Variants in SPTBN4 observed in about 807,000 individuals in gnomAD.
SPTBN4 encodes spectrin beta, non-erythrocytic 4, also known as spectrin beta chain, non-erythrocytic 4.
A neutral mutation model predicts 277.8 loss-of-function variants in SPTBN4; 96 were observed. The ratio of observed to expected loss-of-function variants is 0.35; its 90% CI spans 0.29 to 0.41. The LOEUF (loss-of-function observed/expected upper bound fraction) is 0.41. Ranked by LOEUF, SPTBN4 falls within the 10% of genes least tolerant of loss-of-function variation. SPTBN4 has a pLI of 1.00. For synonymous variants in SPTBN4, 1,481 were observed against 1,580.3 expected (o/e 0.94, Z 1.49); for missense variants, 3,006 against 3,595.7 (o/e 0.84, Z 4.19).
intron 2 of SPTBN4, among the ~76,000 whole-genome samples, chr19:40,479,605 T>C (rs1023485258): frequency 1.3e-4 from 20 of 151,240 alleles, no homozygotes; most frequent in Admixed American, 5.3e-4. Context: ...CCCATTCAGA[T>C]AGTTTTTAAT....
chr19:40,542,493 G>C (rs1323571342), intron 20 of SPTBN4, among the ~76,000 whole-genome samples: 2 of 152,116 alleles, frequency 1.3e-5, no homozygotes, highest in East Asian at 3.9e-4. Flanking sequence ...CTCAGCCACA[G>C]GCTCCTGCTT....
At chr19:40,475,397 T>G (rs551070560) in intron 2 of SPTBN4, among the ~76,000 whole-genome samples, 3 of 152,246 alleles carry the variant, frequency 2.0e-5, no homozygotes, top group African/African-American at 7.2e-5. Flanking sequence ...TCTTAGAACT[T>G]TAGTAACTCA....
chr19:40,495,280 G>T (rs759748165), intron 6 of SPTBN4, among the ~76,000 whole-genome samples: 1 of 152,000 alleles, frequency 6.6e-6, no homozygotes, highest in Non-Finnish European at 1.5e-5. Flanking sequence ...CAGCCTGCCC[G>T]CAGGGTAGGA....
chr19:40,472,837 G>A, intron 2 of SPTBN4, 47 bp downstream of exon 2: 4 of 1,263,402 alleles, frequency 3.2e-6, no homozygotes, highest in Non-Finnish European at 3.3e-6. Context: ...GGGGAAGGGG[G>A]AAGGGTGCCC....
intron 26 of SPTBN4, among the ~76,000 whole-genome samples, chr19:40,558,391 A>G (rs1006385186): frequency 5.9e-5 from 9 of 151,430 alleles, no homozygotes; most frequent in African/African-American, 2.2e-4. Flanking sequence ...CAGGTCTCTG[A>G]TGGAAATCAT....
At chr19:40,467,457 C>T (rs1487612069) in intron 1 of SPTBN4, among the ~76,000 whole-genome samples, 152 bp downstream of exon 1, 2 of 152,182 alleles carry the variant, frequency 1.3e-5, no homozygotes, top group East Asian at 1.9e-4. Context: ...CCCACAACCC[C>T]CCCACCCGGT....
rs750427230 is a variant in SPTBN4 at position 40,523,507 on chromosome 19, G to A, written c.3725G>A (p.Arg1242His). ...ESVEEALKQH[R>H]DFLTTMELSQ... is the part of the protein sequence containing the mutation. ...GTGGAGGAGGCCTTGAAACAGCACCGTGACTTTCTCACCACCATGGAGCTG... is the reference window on the plus strand; with the variant it reads ...GTGGAGGAGGCCTTGAAACAGCACCATGACTTTCTCACCACCATGGAGCTG... Residue 1242 changes from arginine (R) to histidine (H), a missense_variant, in exon 17 of 36, where the codon CGT becomes CAT. By Grantham distance (29) the Arg-to-His change is conservative (BLOSUM62 0). This residue lies in a region of SPTBN4 where 1,759 missense variants were observed against 2,061.5 expected (regional missense o/e 0.85). Coordinates refer to ENST00000598249, the MANE Select transcript of SPTBN4 (RefSeq NM_020971.3). 2.5e-6 allele frequency: 4 copies of A among 1,614,062 alleles called. No individual in the cohort carries two copies. The highest frequency in any genetic ancestry group is 3.4e-6 in the Non-Finnish European group (4 of 1,179,984).
At chr19:40,508,846 T>G (rs1016075161) in intron 13 of SPTBN4, among the ~76,000 whole-genome samples, 11 of 151,986 alleles carry the variant, frequency 7.2e-5, no homozygotes, top group African/African-American at 2.4e-4. Flanking sequence ...ATCATTTTGA[T>G]CTAGGTGGTG....
chr19:40,508,913 C>T (rs814527), intron 13 of SPTBN4, among the ~76,000 whole-genome samples: 22,522 of 151,512 alleles, frequency 0.15, 2,327 homozygotes, highest in African/African-American at 0.29. Flanking sequence ...TCTGAGCCGG[C>T]GAGGGGATGC....
chr19:40,563,922 C>CA (rs2145947869), intron 27 of SPTBN4, among the ~76,000 whole-genome samples: 1 of 151,922 alleles, frequency 6.6e-6, no homozygotes, highest in East Asian at 2.0e-4. Flanking sequence ...TGGCGGGCAC[C>CA]TGTAATCCCA....
At position 40,549,804 on chromosome 19, in the gene SPTBN4, C is replaced by A. The variant is rs77413146; in HGVS notation, c.4584+391C>A. Among the ~76,000 whole-genome samples the A allele has an allele frequency of 6.3e-3, 962 of 152,314 alleles. 20 individuals are homozygous for A. The highest frequency in any genetic ancestry group is 0.022 in the African/African-American group (917 of 41,566). On this transcript the variant is annotated intron_variant, in intron 21 of 35. Coordinates refer to ENST00000598249, the MANE Select transcript of SPTBN4 (RefSeq NM_020971.3). ...GATGATAGTGGGGCCACAGGGGTGG[C>A]CAAGGCAGACCCCATTGTGCCCCAG...
At chr19:40,569,483 A>T (rs2081128870) in intron 31 of SPTBN4, among the ~76,000 whole-genome samples, 174 bp from the exon 32 acceptor site, 1 of 151,892 alleles carries the variant, frequency 6.6e-6, no homozygotes, top group South Asian at 2.1e-4. Flanking sequence ...CATTCAGCAG[A>T]CACGTCCCAA....
Position 40,549,212 on chromosome 19 carries a change from G to C in SPTBN4, c.4383G>C (p.Glu1461Asp). ...KLQSMESQVE[E>D]WYREVGELQA... ...AGTCCATGGAGTCGCAGGTGGAGGAGTGGTACCGCGAGGTGGGAGAGCTGC... is the reference window on the plus strand; with the variant it reads ...AGTCCATGGAGTCGCAGGTGGAGGACTGGTACCGCGAGGTGGGAGAGCTGC... The change falls in exon 21 of 36, where the codon GAG becomes GAC. Residue 1461 changes from glutamate to aspartate, a missense_variant. Glu to Asp is a conservative substitution (Grantham distance 45, BLOSUM62 2). Coordinates refer to ENST00000598249, the MANE Select transcript of SPTBN4 (RefSeq NM_020971.3). The C allele has an allele frequency of 6.5e-7, 1 of 1,547,628 alleles. No homozygotes were observed. The highest frequency in any genetic ancestry group is 8.7e-7 in the Non-Finnish European group (1 of 1,146,836).
chr19:40,529,176 C>A (rs2080631209), intron 18 of SPTBN4, 45 bp downstream of exon 18: 3 of 1,365,972 alleles, frequency 2.2e-6, no homozygotes, highest in Admixed American at 1.7e-5. Context: ...CCCCTTTAGT[C>A]GGGAGGGAAG....
intron 20 of SPTBN4, among the ~76,000 whole-genome samples, chr19:40,542,054 T>G (rs1279995438): frequency 6.6e-6 from 1 of 152,182 alleles, no homozygotes; most frequent in Admixed American, 6.5e-5. Context: ...CCCAAGTAGT[T>G]GTGATTACAG....
At position 40,567,702 on chromosome 19, in the gene SPTBN4, A is replaced by T; in HGVS notation, c.6376A>T (p.Thr2126Ser). The T allele has an allele frequency of 1.3e-6, 2 of 1,552,510 alleles. No individual in the cohort carries two copies. The highest frequency in any genetic ancestry group is 5.1e-5 in the East Asian group (2 of 39,052). ...AGCGGAACAGAGCAAGCAGCCGCCT[A>T]CCCCACTGCTGGGGCGCAAGTTCTT... is the stretch of plus-strand genomic sequence containing the variant. Reference protein sequence around the residue: ...IKAEQSKQPPTPLLGRKFFGD... With the variant: ...IKAEQSKQPPSPLLGRKFFGD... The change falls in exon 31 of 36, where the codon ACC becomes TCC. Residue 2126 changes from threonine to serine, a missense_variant. Coordinates refer to ENST00000598249, the MANE Select transcript of SPTBN4 (RefSeq NM_020971.3).
chr19:40,469,085 C>G (rs960106258), intron 1 of SPTBN4, among the ~76,000 whole-genome samples: 2 of 150,000 alleles, frequency 1.3e-5, no homozygotes, highest in African/African-American at 5.0e-5. Context: ...GGTGATAGAG[C>G]AATACCTTGT....
intron 2 of SPTBN4, among the ~76,000 whole-genome samples, chr19:40,482,670 A>G (rs2080025695): frequency 6.6e-6 from 1 of 152,170 alleles, no homozygotes; most frequent in Non-Finnish European, 1.5e-5. Context: ...GCAACCAAAT[A>G]TATCTCAGAG....
At chr19:40,491,461 G>T (rs2080134752) in intron 4 of SPTBN4, among the ~76,000 whole-genome samples, 1 of 152,038 alleles carries the variant, frequency 6.6e-6, no homozygotes, top group African/African-American at 2.4e-5. Flanking sequence ...GATCCCTTTG[G>T]CTGGGCATGG....
Sources: allele counts gnomAD v4.1 joint callset (sites outside exome capture counted in the v4.1 genomes callset), GRCh38; gene constraint gnomAD v4.1.1; regional missense constraint gnomAD v4.1.1; transcripts MANE v1.5; gene names NCBI Gene and HGNC (gene_info 2026-07-23, HGNC 2026-07-21).